The following LRRC4C variants were observed in gnomAD, a reference collection of about 807,000 sequenced individuals.
The protein encoded by LRRC4C is leucine rich repeat containing 4C, also known as leucine-rich repeat-containing protein 4C.
In LRRC4C, 5 loss-of-function variants were observed where a neutral mutation model predicts 33.6. The observed-to-expected ratio is 0.15, with a 90% CI of 0.08 to 0.31. The LOEUF (loss-of-function observed/expected upper bound fraction) is 0.31, where lower values mean the gene tolerates loss of function less well. LRRC4C is among the 10% of genes least tolerant of loss of function. The pLI is 1.00. For missense variants in LRRC4C, 560 were observed against 796.7 expected, an observed-to-expected ratio of 0.70 and a Z score of 3.58; for synonymous variants, 329 against 302.0, an observed-to-expected ratio of 1.09 and a Z score of -0.93.
At chr11:41,414,215 G>A (rs2958853) in intron 1 of LRRC4C, among the ~76,000 whole-genome samples, 66,170 of 151,920 alleles carry the variant, frequency 0.44, 15,092 homozygotes, top group East Asian at 0.58. Context: ...TACTTCCTAT[G>A]TTCCCGAATT....
chr11:40,905,385 T>C (rs964108390), intron 2 of LRRC4C, among the ~76,000 whole-genome samples: 1 of 150,694 alleles, frequency 6.6e-6, no homozygotes, highest in Non-Finnish European at 1.5e-5. Context: ...GGCTCACATA[T>C]AGAAGGCAGG....
At chr11:41,161,096 C>T (rs1484703841) in intron 1 of LRRC4C, among the ~76,000 whole-genome samples, 1 of 150,198 alleles carries the variant, frequency 6.7e-6, no homozygotes, top group East Asian at 1.9e-4. Context: ...GTATTAAAGA[C>T]TCAAGAAAAA....
At chr11:40,739,719 T>C (rs2136891588) in intron 2 of LRRC4C, among the ~76,000 whole-genome samples, 1 of 152,070 alleles carries the variant, frequency 6.6e-6, no homozygotes. Flanking sequence ...TGGCAGTTCT[T>C]CTATTCACAC....
chr11:40,745,791 A>C (rs1011012198), intron 2 of LRRC4C, among the ~76,000 whole-genome samples: 1 of 152,210 alleles, frequency 6.6e-6, no homozygotes, highest in Non-Finnish European at 1.5e-5. Flanking sequence ...ACTCACTCTC[A>C]GTTAAACCTA....
intron 2 of LRRC4C, among the ~76,000 whole-genome samples, chr11:40,779,696 T>A (rs1950141955): frequency 6.6e-6 from 1 of 152,044 alleles, no homozygotes; most frequent in Admixed American, 6.6e-5. Context: ...TTAAGTAGAG[T>A]CCCAAACATT....
chr11:40,940,519 G>A (rs1379781824), intron 1 of LRRC4C, among the ~76,000 whole-genome samples: 1 of 152,066 alleles, frequency 6.6e-6, no homozygotes, highest in Non-Finnish European at 1.5e-5. Context: ...TTTGGATTTT[G>A]TCAGTAACTT....
chr11:40,184,928 A>G (rs1324266614), intron 5 of LRRC4C, among the ~76,000 whole-genome samples: 3 of 152,162 alleles, frequency 2.0e-5, no homozygotes. Context: ...ACAAATCCCT[A>G]TTTATCCCAG....
chr11:40,420,209 A>G (rs1017736901), intron 3 of LRRC4C, among the ~76,000 whole-genome samples: 2 of 152,204 alleles, frequency 1.3e-5, no homozygotes, highest in Admixed American at 6.5e-5. Context: ...TTAATTGACC[A>G]AGGGACCCAG....
chr11:41,080,075 T>A (rs778078060), intron 1 of LRRC4C, among the ~76,000 whole-genome samples: 1 of 152,202 alleles, frequency 6.6e-6, no homozygotes, highest in Non-Finnish European at 1.5e-5. Context: ...TAGCTATTAC[T>A]TTCTGTTTTG....
At chr11:41,421,556 A>G (rs1954873796) in intron 1 of LRRC4C, among the ~76,000 whole-genome samples, 1 of 152,048 alleles carries the variant, frequency 6.6e-6, no homozygotes, top group Non-Finnish European at 1.5e-5. Context: ...ACTTCTGCAA[A>G]CAGTTTTATC....
intron 3 of LRRC4C, among the ~76,000 whole-genome samples, chr11:40,640,920 GCA>G (rs1268137469): frequency 2.7e-5 from 4 of 148,246 alleles, no homozygotes; most frequent in Non-Finnish European, 5.9e-5. Context: ...GGAGGCTGAG[GCA>G]GAAGAATGGC....
intron 1 of LRRC4C, among the ~76,000 whole-genome samples, chr11:41,182,566 T>C (rs1164163026): frequency 6.6e-6 from 1 of 152,164 alleles, no homozygotes; most frequent in Non-Finnish European, 1.5e-5. Context: ...AATAATCTAT[T>C]TCATGAATTA....
intron 2 of LRRC4C, among the ~76,000 whole-genome samples, chr11:40,836,194 T>A (rs1359160305): frequency 6.6e-6 from 1 of 152,164 alleles, no homozygotes; most frequent in East Asian, 1.9e-4. Flanking sequence ...ACCTCACCAA[T>A]CTTCTCTTAA....
At chr11:41,016,150 T>C (rs569323728) in intron 1 of LRRC4C, among the ~76,000 whole-genome samples, 33 of 140,450 alleles carry the variant, frequency 2.3e-4, no homozygotes, top group African/African-American at 8.1e-4. Context: ...CACACATTTG[T>C]CTTAGTATAG....
rs1042929734 is a variant in LRRC4C, at chr11:40,244,243, C to G, written c.-175-2645G>C. Among the ~76,000 whole-genome samples, 31 of 152,072 alleles carry G rather than the reference C, an allele frequency of 2.0e-4. 1 individual carries two copies. Among genetic ancestry groups the G allele is most frequent in the Non-Finnish European group, 2.9e-5 (2 of 68,022 alleles). On this transcript the variant is annotated intron_variant, in intron 4 of 6. Transcript: ENST00000528697. Reference sequence around the variant, plus strand: ...CCCCAAAATTTGGCACTTTGACATGCTGAACTGAAGAAGAAGCCTCAAGAT... The same window carrying G: ...CCCCAAAATTTGGCACTTTGACATGGTGAACTGAAGAAGAAGCCTCAAGAT...
chr11:40,527,237 T>A (rs1410611940), intron 3 of LRRC4C, among the ~76,000 whole-genome samples: 2 of 152,170 alleles, frequency 1.3e-5, no homozygotes, highest in African/African-American at 4.8e-5. Flanking sequence ...TTCATCAAGC[T>A]ATTCACCTAT....
chr11:41,284,851 A>C (rs1476183440), intron 1 of LRRC4C, among the ~76,000 whole-genome samples: 5 of 152,162 alleles, frequency 3.3e-5, no homozygotes, highest in African/African-American at 1.2e-4. Flanking sequence ...CACATATTTC[A>C]TTCTTTCTAT....
intron 4 of LRRC4C, among the ~76,000 whole-genome samples, chr11:40,256,854 A>G (rs1183522165): frequency 1.3e-5 from 2 of 152,170 alleles, no homozygotes; most frequent in East Asian, 3.9e-4. Flanking sequence ...TTTTCTTTAG[A>G]TGAGAGCTTT....
intron 1 of LRRC4C, among the ~76,000 whole-genome samples, chr11:41,231,379 A>G (rs1472755072): frequency 1.3e-5 from 2 of 152,074 alleles, no homozygotes; most frequent in East Asian, 1.9e-4. Flanking sequence ...ATGTCCATCA[A>G]TGATAGACTG....
Sources: gnomAD v4.1 joint callset for allele counts (sites outside exome capture counted in the v4.1 genomes callset) on GRCh38, gnomAD v4.1.1 for gene constraint, MANE v1.5 for transcripts, NCBI Gene and HGNC (gene_info 2026-07-23, HGNC 2026-07-21) for gene names.